The following FBXW10B variants were observed in gnomAD, a reference collection of about 807,000 sequenced individuals.
The protein encoded by FBXW10B is F-box and WD repeat domain containing 10B, also known as F-box and WD repeat domain containing protein 10B.
the FBXW10B span, among the ~76,000 whole-genome samples, chr17:15,597,234 G>A: frequency 1.5e-4 from 23 of 149,424 alleles, no homozygotes; most frequent in South Asian, 5.0e-3. Flanking sequence ...AGCTAGGGGT[G>A]GGTTTACTGC....
the FBXW10B span, among the ~76,000 whole-genome samples, chr17:15,616,587 A>G: frequency 1.3e-5 from 2 of 151,928 alleles, no homozygotes; most frequent in South Asian, 4.2e-4. Flanking sequence ...GGCGGATCAC[A>G]AGGTCAGGAG....
the FBXW10B span, among the ~76,000 whole-genome samples, chr17:15,600,865 G>C: frequency 2.0e-5 from 3 of 148,996 alleles, no homozygotes; most frequent in East Asian, 4.1e-4. Flanking sequence ...CTGGCCAACA[G>C]AGTGAAACCT....
the FBXW10B span, among the ~76,000 whole-genome samples, chr17:15,610,407 A>G: frequency 6.6e-6 from 1 of 152,070 alleles, no homozygotes; most frequent in Non-Finnish European, 1.5e-5. Context: ...GTCTGTCCCC[A>G]TACATCTTTC....
the FBXW10B span, among the ~76,000 whole-genome samples, chr17:15,592,438 T>C: frequency 2.0e-5 from 3 of 151,814 alleles, no homozygotes; most frequent in African/African-American, 7.3e-5. Flanking sequence ...TTAGGGACAT[T>C]AAGAGATGTC....
At chr17:15,572,124 T>C in the FBXW10B span, 2 of 151,936 alleles carry the variant, frequency 1.3e-5, no homozygotes, top group East Asian at 1.9e-4. Context: ...AACTGTACAC[T>C]TGCAATGGGT....
the FBXW10B span, among the ~76,000 whole-genome samples, chr17:15,611,498 T>G: frequency 6.6e-6 from 1 of 152,144 alleles, no homozygotes; most frequent in South Asian, 2.1e-4. Context: ...TAGCCAGAAC[T>G]GATGAGCAGC....
At chr17:15,611,851 A>T in the FBXW10B span, among the ~76,000 whole-genome samples, 1 of 152,006 alleles carries the variant, frequency 6.6e-6, no homozygotes, top group African/African-American at 2.4e-5. Context: ...TCTTCCGGTC[A>T]CTCTTCATTA....
At chr17:15,619,237 G>T in the FBXW10B span, 17 of 1,613,870 alleles carry the variant, frequency 1.1e-5, no homozygotes, top group Admixed American at 1.0e-4. Flanking sequence ...TGCTGAGGTC[G>T]ATCCGGGACC....
At chr17:15,577,259 C>A in the FBXW10B span, among the ~76,000 whole-genome samples, 2 of 151,990 alleles carry the variant, frequency 1.3e-5, no homozygotes, top group African/African-American at 4.8e-5. Flanking sequence ...AGAACTTGTT[C>A]TTAAAATAAA....
the FBXW10B span, among the ~76,000 whole-genome samples, chr17:15,597,525 C>T: frequency 1.3e-5 from 2 of 151,130 alleles, no homozygotes; most frequent in African/African-American, 2.4e-5. Context: ...CCCAGCTACT[C>T]GGGAGGCTGA....
At chr17:15,598,042 C>T in the FBXW10B span, among the ~76,000 whole-genome samples, 1 of 152,000 alleles carries the variant, frequency 6.6e-6, no homozygotes, top group Non-Finnish European at 1.5e-5. Flanking sequence ...AGTATGCTTT[C>T]CTTCACTTAT....
chr17:15,584,968 C>CTTTTT, the FBXW10B span, among the ~76,000 whole-genome samples: 56 of 125,822 alleles, frequency 4.5e-4, no homozygotes, highest in African/African-American at 1.1e-3. Context: ...CCTTCTTCTT[C>CTTTTT]TTTTTTTTTT....
chr17:15,601,478 G>C, the FBXW10B span, among the ~76,000 whole-genome samples: 1 of 147,278 alleles, frequency 6.8e-6, no homozygotes. Context: ...GAACTAATAA[G>C]AGAGTTTGGC....
chr17:15,603,917 C>CA, the FBXW10B span, among the ~76,000 whole-genome samples: 1,362 of 113,824 alleles, frequency 0.012, 80 homozygotes, highest in Middle Eastern at 0.055. Context: ...CTAAAAAATA[C>CA]AAAAAAAAAA....
At chr17:15,585,286 C>T in the FBXW10B span, among the ~76,000 whole-genome samples, 2 of 151,894 alleles carry the variant, frequency 1.3e-5, no homozygotes, top group African/African-American at 2.4e-5. Flanking sequence ...GGTCATATGA[C>T]GTATGAGGGA....
the FBXW10B span, among the ~76,000 whole-genome samples, chr17:15,610,371 TG>T: frequency 3.3e-4 from 50 of 151,514 alleles, no homozygotes; most frequent in Middle Eastern, 6.8e-3. Flanking sequence ...CTCTTTGTTG[TG>T]CTTATCTGGG....
chr17:15,570,372 A>G, the FBXW10B span, among the ~76,000 whole-genome samples: 83,434 of 152,102 alleles, frequency 0.55, 25,302 homozygotes, highest in Non-Finnish European at 0.7. Flanking sequence ...GTCAGGCAAG[A>G]TGAACATGGT....
chr17:15,594,697 G>A, the FBXW10B span: 15 of 1,597,218 alleles, frequency 9.4e-6, no homozygotes, highest in Non-Finnish European at 1.2e-5. Flanking sequence ...AGGCTATGAC[G>A]GGGAAGGGAA....
chr17:15,614,048 G>C, the FBXW10B span: 1 of 1,609,998 alleles, frequency 6.2e-7, no homozygotes, highest in Non-Finnish European at 8.5e-7. Flanking sequence ...AGTGAAGCCG[G>C]AGAAAGGTAC....
Sources: gnomAD v4.1 joint callset for allele counts (sites outside exome capture counted in the v4.1 genomes callset) on GRCh38, gnomAD v4.1.1 for gene constraint, MANE v1.5 for transcripts, NCBI Gene and HGNC (gene_info 2026-07-23, HGNC 2026-07-21) for gene names.